The following GARNL3 variants were observed in gnomAD, a reference collection of about 807,000 sequenced individuals.
GARNL3 encodes the protein GTPase activating Rap/RanGAP domain like 3.
In GARNL3, 63 loss-of-function variants were observed where a neutral mutation model predicts 125.0. The observed-to-expected ratio is 0.50, with a 90% CI of 0.41 to 0.62. The LOEUF (loss-of-function observed/expected upper bound fraction) is 0.62, where lower values mean the gene tolerates loss of function less well. GARNL3 is among the 20% of genes least tolerant of loss of function. The pLI is 0.00. For synonymous variants in GARNL3, 439 were observed against 457.5 expected, an observed-to-expected ratio of 0.96 and a Z score of 0.52; for missense variants, 994 against 1,244.0, an observed-to-expected ratio of 0.80 and a Z score of 3.02.
At chr9:127,368,528 A>G (rs554962445) in intron 22 of GARNL3, among the ~76,000 whole-genome samples, 1 of 146,948 alleles carries the variant, frequency 6.8e-6, no homozygotes, top group Non-Finnish European at 1.5e-5. Flanking sequence ...ACGGGGTTTC[A>G]CCATGTTGGT....
intron 1 of GARNL3, among the ~76,000 whole-genome samples, chr9:127,273,349 A>G (rs2063870597): frequency 6.6e-6 from 1 of 152,212 alleles, no homozygotes; most frequent in East Asian, 1.9e-4. Context: ...GTTGATTGTT[A>G]GAACAAATAC....
intron 1 of GARNL3, among the ~76,000 whole-genome samples, chr9:127,239,796 G>A (rs549529886): frequency 1.4e-4 from 21 of 152,104 alleles, no homozygotes; most frequent in Admixed American, 2.6e-4. Context: ...GACAAAATCT[G>A]AACAGTTTTA....
chr9:127,305,242 G>C (rs189065552), intron 2 of GARNL3, among the ~76,000 whole-genome samples: 10 of 152,260 alleles, frequency 6.6e-5, no homozygotes, highest in Admixed American at 1.3e-4. Context: ...TTATTTGGCT[G>C]TACACTTCTT....
At chr9:127,343,805 A>G (rs1310447914) in intron 14 of GARNL3, among the ~76,000 whole-genome samples, 1 of 152,214 alleles carries the variant, frequency 6.6e-6, no homozygotes, top group Non-Finnish European at 1.5e-5. Context: ...AGATTCGGAA[A>G]TTAACTAATT....
chr9:127,376,239 C>G (rs541945397), intron 22 of GARNL3, among the ~76,000 whole-genome samples: 1 of 152,180 alleles, frequency 6.6e-6, no homozygotes, highest in East Asian at 1.9e-4. Context: ...GGATTAGAGG[C>G]GTGAGCCACT....
chr9:127,355,587 T>A, intron 20 of GARNL3, 115 bp downstream of exon 20: 1 of 899,590 alleles, frequency 1.1e-6, no homozygotes. Context: ...AGTAGCCAAC[T>A]AGGGAAACCC....
At chr9:127,331,318 A>G (rs1165889739) in intron 7 of GARNL3, among the ~76,000 whole-genome samples, 1 of 151,710 alleles carries the variant, frequency 6.6e-6, no homozygotes, top group Non-Finnish European at 1.5e-5. Flanking sequence ...GTGAAACCCC[A>G]TCTCTACTAA....
At chr9:127,248,376 T>A (rs1027422052) in intron 2 of GARNL3, among the ~76,000 whole-genome samples, 2 of 152,120 alleles carry the variant, frequency 1.3e-5, no homozygotes, top group African/African-American at 4.8e-5. Flanking sequence ...GCCCATCTGT[T>A]TCCATTCCCC....
At chr9:127,231,043 TATATATA>T (rs1317557260) in intron 1 of GARNL3, among the ~76,000 whole-genome samples, 1 of 47,826 alleles carries the variant, frequency 2.1e-5, no homozygotes, top group Non-Finnish European at 3.7e-5. Context: ...TACATATATA[TATATATA>T]TTTTTTTTTT....
intron 22 of GARNL3, among the ~76,000 whole-genome samples, chr9:127,365,653 G>A (rs530986788): frequency 3.9e-5 from 6 of 152,238 alleles, no homozygotes; most frequent in South Asian, 4.2e-4. Context: ...GCCAGGTGCC[G>A]TGCTCGGTAT....
intron 2 of GARNL3, among the ~76,000 whole-genome samples, chr9:127,253,283 A>C (rs1345673831): frequency 6.6e-6 from 1 of 152,148 alleles, no homozygotes; most frequent in African/African-American, 2.4e-5. Flanking sequence ...AGGAAAAAAA[A>C]CAAGGGGGCA....
At chr9:127,379,928 C>T (rs555534991) in intron 22 of GARNL3, among the ~76,000 whole-genome samples, 8 of 152,116 alleles carry the variant, frequency 5.3e-5, no homozygotes, top group African/African-American at 1.7e-4. Context: ...ACTTGTAATC[C>T]CAGCGCTTTG....
At chr9:127,268,512 C>G (rs774632603) in intron 1 of GARNL3, among the ~76,000 whole-genome samples, 17 of 152,304 alleles carry the variant, frequency 1.1e-4, no homozygotes, top group South Asian at 2.1e-4. Context: ...TCATTTTTCC[C>G]AGCAGCCAGA....
At chr9:127,287,528 C>T (rs1028510399) in intron 1 of GARNL3, among the ~76,000 whole-genome samples, 2 of 152,230 alleles carry the variant, frequency 1.3e-5, no homozygotes, top group Non-Finnish European at 2.9e-5. Flanking sequence ...TCTCCTTTCA[C>T]AGCAGCTGAC....
At chr9:127,346,922 C>T (rs1050145130) in intron 16 of GARNL3, among the ~76,000 whole-genome samples, 6 of 152,206 alleles carry the variant, frequency 3.9e-5, no homozygotes, top group Non-Finnish European at 8.8e-5. Flanking sequence ...ACCACATTCT[C>T]ACCTGGTGGA....
At chr9:127,241,654 CAA>C (rs779357757) in intron 1 of GARNL3, among the ~76,000 whole-genome samples, 3 of 152,068 alleles carry the variant, frequency 2.0e-5, no homozygotes, top group Non-Finnish European at 2.9e-5. Flanking sequence ...AGGGACCTGA[CAA>C]GAGAGAAGAC....
intron 7 of GARNL3, among the ~76,000 whole-genome samples, chr9:127,326,080 C>G (rs2065562080): frequency 6.6e-6 from 1 of 152,164 alleles, no homozygotes; most frequent in Admixed American, 6.5e-5. Context: ...CCTATAGTTC[C>G]CACTGCTGGG....
chr9:127,234,883 G>A lies in GARNL3; in HGVS notation c.-28-8196G>A, dbSNP rs539225739. Among the ~76,000 whole-genome samples, 42 of 152,172 alleles carry A rather than the reference G, an allele frequency of 2.8e-4. No individual in the cohort carries two copies. The South Asian group carries it at 5.2e-3, about 19-fold the overall frequency. On this transcript the variant is annotated intron_variant, in intron 1 of 10. Coordinates refer to the GARNL3 transcript ENST00000439286. ...AGAGCTGAGCCCTCGTGTCCTAATC[G>A]CCTCCCAAAGGCCCCATCTCTTAAT...
chr9:127,268,290 T>C (rs1016954647), intron 1 of GARNL3, among the ~76,000 whole-genome samples: 13 of 152,194 alleles, frequency 8.5e-5, no homozygotes, highest in African/African-American at 2.7e-4. Context: ...ATCTGTTCTG[T>C]CTAGGTCAAG....
Sources: gnomAD v4.1 joint callset for allele counts (sites outside exome capture counted in the v4.1 genomes callset) on GRCh38, gnomAD v4.1.1 for gene constraint, MANE v1.5 for transcripts, NCBI Gene and HGNC (gene_info 2026-07-23, HGNC 2026-07-21) for gene names.